Variants in PLK4 observed in about 807,000 individuals in gnomAD.
PLK4 encodes polo like kinase 4, also known as serine/threonine-protein kinase PLK4.
A neutral mutation model predicts 103.0 loss-of-function variants in PLK4; 51 were observed. That is an observed-to-expected ratio of 0.50 (90% CI 0.40 to 0.63). PLK4 has a LOEUF of 0.63. Among genes scored for constraint, PLK4 ranks in the 20% least tolerant of loss-of-function variants. The pLI is 0.00. For missense variants in PLK4, 1,054 were observed against 1,151.0 expected (o/e 0.92, Z 1.22); for synonymous variants, 389 against 376.8 (o/e 1.03, Z -0.38).
Position 127,881,089 on chromosome 4 carries a change from G to T in PLK4, c.-46G>T, listed in dbSNP as rs1332424547. ...CTTGGAGCGCTGCCTCGAAGGGACT[G>T]CGTGAAGGAAGCTAATCCGGAGAAC... On this transcript the variant is annotated 5_prime_UTR_variant, in exon 1 of 16. Coordinates refer to ENST00000270861, the MANE Select transcript of PLK4 (RefSeq NM_014264.5). 1 of 1,610,396 alleles carries T rather than the reference G, an allele frequency of 6.2e-7. No individual in the cohort carries two copies. Among genetic ancestry groups the T allele is most frequent in the African/African-American group, 1.3e-5 (1 of 74,902 alleles).
intron 2 of PLK4, 118 bp from the exon 3 acceptor site, chr4:127,883,144 G>A (rs1734991770): frequency 1.7e-6 from 1 of 603,332 alleles, no homozygotes. Context: ...ACAGTAGGTT[G>A]ACCACAAAGA....
chr4:127,898,592 T>A lies in PLK4; in HGVS notation c.*51T>A. ...TTTAATAAATAACTTTTTTGTTGACTTTCAAGTAAAGTGATTTTTTTTAAT... is the reference window on the plus strand; with the variant it reads ...TTTAATAAATAACTTTTTTGTTGACATTCAAGTAAAGTGATTTTTTTTAAT... On this transcript the variant is annotated 3_prime_UTR_variant, in exon 16 of 16. Transcript: ENST00000270861. 1 of 875,506 alleles carries A rather than the reference T, an allele frequency of 1.1e-6. No homozygotes were observed. Among genetic ancestry groups the A allele is most frequent in the South Asian group, 1.5e-5 (1 of 66,886 alleles). 54.2% of individuals were successfully genotyped at this position (875,506 alleles called of 1,614,324 possible).
intron 15 of PLK4, 55 bp downstream of exon 15, chr4:127,896,962 T>C: frequency 1.1e-6 from 1 of 893,584 alleles, no homozygotes; most frequent in Non-Finnish European, 1.9e-6. Flanking sequence ...TTTCTCTTTC[T>C]CTATATGTTG....
chr4:127,882,986 T>C (rs923463628), intron 2 of PLK4, among the ~76,000 whole-genome samples: 3 of 102,732 alleles, frequency 2.9e-5, no homozygotes, highest in Admixed American at 1.1e-4. Context: ...AAAATTTGCC[T>C]GAATTGGGAT....
At chr4:127,883,877 AAATC>A (rs1252747013) in intron 4 of PLK4, among the ~76,000 whole-genome samples, 10 of 152,184 alleles carry the variant, frequency 6.6e-5, no homozygotes, top group Non-Finnish European at 7.4e-5. Flanking sequence ...AAGTAGTTCT[AAATC>A]AAGCATAAAT....
At chr4:127,885,630 A>T in intron 4 of PLK4, 78 bp from the exon 5 acceptor site, 1 of 1,126,232 alleles carries the variant, frequency 8.9e-7, no homozygotes, top group Admixed American at 2.3e-5. Context: ...CCTGGGTTTC[A>T]TAATGTATAC....
intron 10 of PLK4, 61 bp downstream of exon 10, chr4:127,892,575 A>G (rs1735402807): frequency 7.4e-7 from 1 of 1,352,684 alleles, no homozygotes. Flanking sequence ...AGTTACGTAT[A>G]TGTGGGTTTT....
intron 15 of PLK4, among the ~76,000 whole-genome samples, chr4:127,897,824 C>CTTTTGTTTTTTT (rs1735626971): frequency 3.5e-5 from 1 of 28,802 alleles, no homozygotes; most frequent in Non-Finnish European, 6.4e-5. Context: ...AGAATTAGGG[C>CTTTTGTTTTTTT]TTTTTTTTTT....
In PLK4 at chr4:127,897,824, C is replaced by CTTTTTTTTTTTTTTTTTTTTTTTTTT. The variant is rs200741150; in HGVS notation, c.2811-606_2811-581dup. Among the ~76,000 whole-genome samples, 15 of 28,806 alleles carry CTTTTTTTTTTTTTTTTTTTTTTTTTT rather than the reference C, an allele frequency of 5.2e-4. 6 individuals are homozygous for CTTTTTTTTTTTTTTTTTTTTTTTTTT. Among genetic ancestry groups the CTTTTTTTTTTTTTTTTTTTTTTTTTT allele is most frequent in the African/African-American group, 9.1e-4 (5 of 5,466 alleles). The allele number at this position is 28,806 out of a possible 152,430, so 18.9% of individuals were successfully genotyped here. A position where few individuals can be genotyped will look rare whatever the true frequency, so the allele number is the denominator to read the frequency against. ...TTGGTATTTTTCTGTAGAATTAGGG[C>CTTTTTTTTTTTTTTTTTTTTTTTTTT]TTTTTTTTTTTTTTTTTTTTTTTTT... On this transcript the variant is annotated intron_variant, in intron 15 of 15. Coordinates refer to ENST00000270861, the MANE Select transcript of PLK4 (RefSeq NM_014264.5).
chr4:127,883,700 A>C (rs770574976), intron 4 of PLK4, 147 bp downstream of exon 4: 4 of 484,456 alleles, frequency 8.3e-6, no homozygotes, highest in Non-Finnish European at 1.5e-5. Flanking sequence ...GATTTCCTAC[A>C]TCCCAAGCTG....
At position 127,890,082 on chromosome 4, in the gene PLK4, A is replaced by C; in HGVS notation, c.1676A>C (p.Glu559Ala). 1 of 1,614,058 alleles carries C rather than the reference A, an allele frequency of 6.2e-7. No individual in the cohort carries two copies. Among genetic ancestry groups the C allele is most frequent in the African/African-American group, 1.3e-5 (1 of 75,042 alleles). ...LHSKPEIIQQECVFGSDPLSE... is the reference protein window; with the variant it reads ...LHSKPEIIQQACVFGSDPLSE... ...AGTAAACCTGAGATAATCCAACAAG[A>C]ATGTGTTTTTGGCTCAGATCCTCTT... The change falls in exon 7 of 16, where the codon GAA (glutamate) becomes GCA (alanine). Residue 559 changes from glutamate (E) to alanine (A), a missense_variant. Physicochemically the swap from Glu to Ala is moderately radical, Grantham distance 107. This residue lies in a region of PLK4 where 680 missense variants were observed against 660.3 expected (regional missense o/e 1.03). Coordinates refer to ENST00000270861, the MANE Select transcript of PLK4 (RefSeq NM_014264.5).
intron 6 of PLK4, among the ~76,000 whole-genome samples, chr4:127,889,515 C>T (rs1735269093): frequency 6.6e-6 from 1 of 152,118 alleles, no homozygotes; most frequent in Non-Finnish European, 1.5e-5. Context: ...TACTTGGGAA[C>T]TCAAATCTGC....
At chr4:127,895,653 C>T (rs1262619707) in intron 14 of PLK4, among the ~76,000 whole-genome samples, 4 of 151,528 alleles carry the variant, frequency 2.6e-5, no homozygotes, top group South Asian at 2.1e-4. Context: ...AATCCCCTGA[C>T]CTTGTGATCT....
At chr4:127,888,763 AGAG>A (rs1361084405) in intron 6 of PLK4, among the ~76,000 whole-genome samples, 1 of 152,192 alleles carries the variant, frequency 6.6e-6, no homozygotes, top group Admixed American at 6.5e-5. Context: ...AGACATATGG[AGAG>A]GAGGAGATCA....
rs760682333 is a variant in PLK4, at chr4:127,883,468, T to C, written c.252T>C (p.Tyr84=). The C allele has an allele frequency of 4.0e-6, 6 of 1,517,952 alleles. No homozygotes were observed. In the African/African-American group the frequency reaches 4.1e-5, roughly 10 times the overall value. 94.0% of individuals were successfully genotyped at this position (1,517,952 alleles called of 1,614,324 possible). A position where few individuals can be genotyped will look rare whatever the true frequency, so the allele number is the denominator to read the frequency against. Residue 84 remains tyrosine (Y), a synonymous_variant, in exon 4 of 16, where the codon TAT becomes TAC. Transcript: ENST00000270861. ...ELYNYFEDSN[Y]VYLVLEMCHN... ...ATAACTATTTTGAAGATAGCAATTA[T>C]GTGTATCTGGTATTAGAAATGTGCC...
Position 127,883,371 on chromosome 4 carries a change from T to A in PLK4, c.222+14T>A. 6.7e-7 allele frequency: 1 copy of A among 1,500,048 alleles called. No homozygotes were observed. Among genetic ancestry groups the A allele is most frequent in the Admixed American group, 1.7e-5 (1 of 57,184 alleles). 92.9% of individuals were successfully genotyped at this position (1,500,048 alleles called of 1,614,324 possible). A position where few individuals can be genotyped will look rare whatever the true frequency, so the allele number is the denominator to read the frequency against. On this transcript the variant is annotated intron_variant, in intron 3 of 15. Transcript: ENST00000270861. Reference sequence around the variant, plus strand: ...TCTATCTTGGAGGTAAGATATAAATTTTGTAGAAGTGACCAAGGACACTGA... The same window carrying A: ...TCTATCTTGGAGGTAAGATATAAATATTGTAGAAGTGACCAAGGACACTGA...
At position 127,881,924 on chromosome 4, in the gene PLK4, A is replaced by G. The variant is rs1486935848; in HGVS notation, c.124A>G (p.Met42Val). ...CACTGGTTTGGAAGTTGCAATCAAA[A>G]TGGTAAGAATAAACTAATCAACTTC... The part of the protein sequence containing the change: ...IHTGLEVAIK[M>V]IDKKAMYKAG... Residue 42 changes from methionine to valine, a missense_variant and splice_region_variant, in exon 2 of 16, where the codon ATG becomes GTG. Met to Val is a conservative substitution (Grantham distance 21, BLOSUM62 1). Around this residue, in one of 4 missense-constraint regions of PLK4, gnomAD observed 199 missense variants for 270.1 expected, o/e 0.74. Transcript: ENST00000270861. 57 of 1,542,106 alleles carry G rather than the reference A, an allele frequency of 3.7e-5. No individual in the cohort carries two copies. Among genetic ancestry groups the G allele is most frequent in the Middle Eastern group, 1.7e-4 (1 of 5,964 alleles).
In PLK4 at chr4:127,886,633, A is replaced by G. The variant is rs1735144917; in HGVS notation, c.1263A>G (p.Ser421=). 8 of 1,613,328 alleles carry G rather than the reference A, an allele frequency of 5.0e-6. No homozygotes were observed. Among genetic ancestry groups the G allele is most frequent in the Admixed American group, 1.7e-5 (1 of 60,008 alleles). ...SGGGENEERY[S]PTDNNANIFN... ...GAGGTGAAAATGAAGAGAGGTACTC[A>G]CCCACAGACAACAATGCCAACATTT... The change falls in exon 5 of 16, where the codon TCA becomes TCG. Residue 421 remains serine, a synonymous_variant. Coordinates refer to ENST00000270861, the MANE Select transcript of PLK4 (RefSeq NM_014264.5).
chr4:127,889,840 A>G (rs1291661294), intron 6 of PLK4, 26 bp from the exon 7 acceptor site: 2 of 1,487,178 alleles, frequency 1.3e-6, no homozygotes, highest in African/African-American at 1.4e-5. Flanking sequence ...TATTTACTAA[A>G]TTGCTTCATT....
Sources: gnomAD v4.1 joint callset for allele counts (sites outside exome capture counted in the v4.1 genomes callset) on GRCh38, gnomAD v4.1.1 for gene constraint, gnomAD v4.1.1 regional missense constraint, MANE v1.5 for transcripts, NCBI Gene and HGNC (gene_info 2026-07-23, HGNC 2026-07-21) for gene names.